PBX3: variants seen among roughly 807,000 people sequenced by gnomAD.
PBX3 encodes pre-B-cell leukemia transcription factor 3.
In PBX3, 14 loss-of-function variants were observed where a neutral mutation model predicts 48.5. The observed-to-expected ratio is 0.29, with a 90% confidence interval of 0.19 to 0.45. The LOEUF (loss-of-function observed/expected upper bound fraction) is 0.45. Among genes scored for constraint, PBX3 ranks in the 20% least tolerant of loss-of-function variants. PBX3 has a pLI of 1.00. For missense variants in PBX3, 386 were observed against 546.7 expected, an observed-to-expected ratio of 0.71 and a Z score of 2.93; for synonymous variants, 210 against 200.3, an observed-to-expected ratio of 1.05 and a Z score of -0.41.
At chr9:125,879,330 C>T (rs1383821377) in intron 2 of PBX3, among the ~76,000 whole-genome samples, 1 of 152,076 alleles carries the variant, frequency 6.6e-6, no homozygotes, top group Non-Finnish European at 1.5e-5. Context: ...ATCAGCGCAC[C>T]TCGGCCTCCC....
chr9:125,863,211 AT>A (rs113830548), intron 2 of PBX3, among the ~76,000 whole-genome samples: 288 of 128,476 alleles, frequency 2.2e-3, no homozygotes, highest in Non-Finnish European at 2.5e-3. Flanking sequence ...ACATGACATG[AT>A]TTTTTTTTTT....
intron 2 of PBX3, among the ~76,000 whole-genome samples, chr9:125,909,064 A>C (rs1369046174): frequency 1.3e-5 from 2 of 152,120 alleles, no homozygotes; most frequent in Non-Finnish European, 2.9e-5. Flanking sequence ...CAAGCGCTCC[A>C]ACAAGATGCA....
chr9:125,801,324 G>A (rs1465389036), intron 2 of PBX3, among the ~76,000 whole-genome samples: 1 of 152,112 alleles, frequency 6.6e-6, no homozygotes, highest in East Asian at 1.9e-4. Context: ...AATTCCATTG[G>A]TGTATCTGTC....
chr9:125,808,510 TA>T (rs1838193769), intron 2 of PBX3, among the ~76,000 whole-genome samples: 1 of 151,940 alleles, frequency 6.6e-6, no homozygotes, highest in Non-Finnish European at 1.5e-5. Flanking sequence ...ACAAAAAATT[TA>T]AAAAATTAGC....
intron 2 of PBX3, among the ~76,000 whole-genome samples, chr9:125,801,141 C>G (rs1026896820): frequency 6.6e-6 from 1 of 152,262 alleles, no homozygotes; most frequent in South Asian, 2.1e-4. Context: ...AACTCTGTAG[C>G]TCCTTCTATT....
At chr9:125,865,566 G>C (rs775811217) in intron 2 of PBX3, among the ~76,000 whole-genome samples, 9 of 152,074 alleles carry the variant, frequency 5.9e-5, no homozygotes, top group Non-Finnish European at 1.3e-4. Context: ...GGATGTTTCT[G>C]GTCTCTCTAA....
Position 125,962,217 on chromosome 9 carries a change from A to G in PBX3, c.1122+3A>G, listed in dbSNP as rs1329893170. ...TCGGAGCCAATGTGCAATCACAGGT[A>G]GGAGAAATGCCCCAGTGGGGCCTTT... On this transcript the variant is annotated splice_donor_region_variant and intron_variant, in intron 7 of 8. Transcript: ENST00000373489. 1.3e-6 allele frequency: 2 copies of G among 1,543,698 alleles called. No individual in the cohort carries two copies. Among genetic ancestry groups the G allele is most frequent in the Non-Finnish European group, 1.8e-6 (2 of 1,116,302 alleles).
chr9:125,848,191 A>G (rs767242493), intron 2 of PBX3, among the ~76,000 whole-genome samples: 11 of 152,082 alleles, frequency 7.2e-5, no homozygotes, highest in Admixed American at 1.3e-4. Flanking sequence ...AGGGCAGAAC[A>G]TTTCAAATAT....
intron 3 of PBX3, among the ~76,000 whole-genome samples, chr9:125,922,670 A>G (rs557572402): frequency 1.2e-4 from 18 of 152,196 alleles, no homozygotes; most frequent in Non-Finnish European, 2.1e-4. Flanking sequence ...CAATGTTAAT[A>G]TGTGGTTGGG....
rs1365241641 is a variant in PBX3, at chr9:125,859,475, T to C, written c.275-56211T>C. On this transcript the variant is annotated intron_variant, in intron 2 of 8. Coordinates refer to ENST00000373489, the MANE Select transcript of PBX3 (RefSeq NM_006195.6). Reference sequence around the variant, plus strand: ...TTCTTTAACATGGACTTTATGCTTATGTTTGGTGCTTTTTGTTCTCTTGTC... The same window carrying C: ...TTCTTTAACATGGACTTTATGCTTACGTTTGGTGCTTTTTGTTCTCTTGTC... Among the ~76,000 whole-genome samples the C allele has an allele frequency of 2.0e-5, 3 of 152,218 alleles. No homozygotes were observed. The East Asian group carries it at 5.8e-4, about 29-fold the overall frequency.
intron 2 of PBX3, among the ~76,000 whole-genome samples, chr9:125,873,178 C>T (rs1033109627): frequency 6.6e-6 from 1 of 152,004 alleles, no homozygotes; most frequent in African/African-American, 2.4e-5. Context: ...GAGCGAGACT[C>T]TGTCTCAAAA....
chr9:125,926,906 T>TC (rs1841591342), intron 3 of PBX3, among the ~76,000 whole-genome samples: 1 of 152,218 alleles, frequency 6.6e-6, no homozygotes, highest in Non-Finnish European at 1.5e-5. Flanking sequence ...GTTTCTGCCT[T>TC]CAACTTCTGG....
At chr9:125,808,395 G>T (rs972906133) in intron 2 of PBX3, among the ~76,000 whole-genome samples, 1 of 152,124 alleles carries the variant, frequency 6.6e-6, no homozygotes, top group East Asian at 1.9e-4. Context: ...TCTCTGTAAG[G>T]CTGAGTGCAG....
At chr9:125,849,097 C>G (rs1209456198) in intron 2 of PBX3, among the ~76,000 whole-genome samples, 1 of 151,936 alleles carries the variant, frequency 6.6e-6, no homozygotes, top group East Asian at 1.9e-4. Context: ...AGATGTTAAT[C>G]AGCTTGCTCC....
intron 2 of PBX3, among the ~76,000 whole-genome samples, chr9:125,801,281 G>C (rs1052459223): frequency 6.6e-6 from 1 of 152,128 alleles, no homozygotes; most frequent in Admixed American, 6.5e-5. Flanking sequence ...CCGGGCTTCA[G>C]GCTGCCGAAT....
chr9:125,781,214 C>G (rs1008219285), intron 2 of PBX3, among the ~76,000 whole-genome samples: 6 of 150,920 alleles, frequency 4.0e-5, no homozygotes, highest in African/African-American at 7.3e-5. Flanking sequence ...CACCACTGCA[C>G]TCCAGCCTGG....
At chr9:125,900,828 A>G (rs1256981029) in intron 2 of PBX3, among the ~76,000 whole-genome samples, 1 of 151,700 alleles carries the variant, frequency 6.6e-6, no homozygotes, top group Non-Finnish European at 1.5e-5. Flanking sequence ...TCAGTGTAAT[A>G]CCTGGAAACC....
intron 2 of PBX3, among the ~76,000 whole-genome samples, chr9:125,835,393 A>C (rs997409236): frequency 6.6e-6 from 1 of 152,178 alleles, no homozygotes; most frequent in African/African-American, 2.4e-5. Flanking sequence ...GTTATATTCT[A>C]CTGACTTGCA....
At chr9:125,913,097 C>T (rs889537286) in intron 2 of PBX3, among the ~76,000 whole-genome samples, 10 of 151,874 alleles carry the variant, frequency 6.6e-5, no homozygotes, top group East Asian at 1.9e-4. Context: ...GAAAAGAAAC[C>T]GATTCACTTT....
Sources: allele counts gnomAD v4.1 joint callset (sites outside exome capture counted in the v4.1 genomes callset), GRCh38; gene constraint gnomAD v4.1.1; transcripts MANE v1.5; gene names NCBI Gene and HGNC (gene_info 2026-07-23, HGNC 2026-07-21).